Variants in PLD1 observed in about 807,000 individuals in gnomAD.
PLD1 encodes the protein phospholipase D1, also known as choline phosphatase 1.
A neutral mutation model predicts 137.1 loss-of-function variants in PLD1; 112 were observed. That is an observed-to-expected ratio of 0.82 (90% CI 0.70 to 0.96). The LOEUF is 0.96. Ranked by LOEUF, PLD1 falls within the 40% of genes least tolerant of loss-of-function variation. PLD1 has a pLI of 0.00. For synonymous variants in PLD1, 431 were observed against 454.7 expected (o/e 0.95, Z 0.66); for missense variants, 1,321 against 1,342.0 (o/e 0.98, Z 0.24).
intron 1 of PLD1, among the ~76,000 whole-genome samples, chr3:171,743,610 G>A (rs1255174564): frequency 2.0e-5 from 3 of 152,106 alleles, no homozygotes; most frequent in Admixed American, 6.5e-5. Context: ...CTCCCTTTGA[G>A]GTCCGGCATC....
chr3:171,792,801 C>A, intron 1 of PLD1: 1 of 438,124 alleles, frequency 2.3e-6, no homozygotes, highest in Admixed American at 2.5e-5. Context: ...AAAAACAAGT[C>A]CTGGCATGTG....
At chr3:171,658,765 T>C (rs1022617743) in intron 21 of PLD1, among the ~76,000 whole-genome samples, 1 of 152,180 alleles carries the variant, frequency 6.6e-6, no homozygotes, top group Non-Finnish European at 1.5e-5. Context: ...CTGAATTGTA[T>C]AGTTTAAGTG....
At chr3:171,702,487 CAA>C (rs1404381195) in intron 11 of PLD1, among the ~76,000 whole-genome samples, 4 of 126,468 alleles carry the variant, frequency 3.2e-5, no homozygotes, top group Admixed American at 1.6e-4. Context: ...GACCCTGTCT[CAA>C]AAAAAAAAAA....
intron 1 of PLD1, among the ~76,000 whole-genome samples, chr3:171,763,057 A>C (rs1721516741): frequency 6.6e-6 from 1 of 151,988 alleles, no homozygotes; most frequent in Non-Finnish European, 1.5e-5. Context: ...GAGATGGTGA[A>C]CTCACTCTCA....
At chr3:171,790,790 G>C (rs1367980122) in intron 1 of PLD1, among the ~76,000 whole-genome samples, 3 of 152,214 alleles carry the variant, frequency 2.0e-5, no homozygotes, top group Non-Finnish European at 4.4e-5. Context: ...ATGACTTCTA[G>C]AGCCGTCATG....
In PLD1 at chr3:171,737,966, T is replaced by TC; in HGVS notation, c.85dup (p.Asp29GlyfsTer8). Reference sequence around the variant, plus strand: ...TCCCTCAAAGTGGAGTTCCCGCGTGTCCAGATTTTCTATGATATTACTCAT... The same window carrying TC: ...TCCCTCAAAGTGGAGTTCCCGCGTGTCCCAGATTTTCTATGATATTACTCAT... On this transcript the variant is annotated frameshift_variant, in exon 2 of 27. Transcript: ENST00000351298. LOFTEE classifies it high-confidence loss of function. 6.2e-7 allele frequency: 1 copy of TC among 1,614,056 alleles called. No individual in the cohort carries two copies. Among genetic ancestry groups the TC allele is most frequent in the Non-Finnish European group, 8.5e-7 (1 of 1,179,936 alleles).
intron 3 of PLD1, 138 bp from the exon 4 acceptor site, chr3:171,735,775 A>G: frequency 3.3e-6 from 2 of 600,596 alleles, no homozygotes; most frequent in South Asian, 4.3e-5. Context: ...ACTTAAGTAA[A>G]TTTGTTTCAA....
intron 1 of PLD1, among the ~76,000 whole-genome samples, chr3:171,763,704 G>A (rs1392914066): frequency 1.3e-5 from 2 of 151,894 alleles, no homozygotes; most frequent in South Asian, 2.1e-4. Flanking sequence ...TTTTATTCTT[G>A]GGTGTATGTA....
intron 19 of PLD1, among the ~76,000 whole-genome samples, chr3:171,670,185 A>ATAGT (rs5854442): frequency 0.99 from 151,449 of 152,276 alleles, 75,316 homozygotes; most frequent in South Asian, 1. Flanking sequence ...GGGTACAAAC[A>ATAGT]TAGAAGGAAT....
intron 21 of PLD1, chr3:171,653,890 G>A (rs731043): frequency 0.3 from 55,121 of 185,632 alleles, 9,840 homozygotes; most frequent in African/African-American, 0.5. Context: ...ACAAACTGAC[G>A]TACTCAGAAG....
At chr3:171,761,671 T>A (rs1413918770) in intron 1 of PLD1, among the ~76,000 whole-genome samples, 1 of 152,236 alleles carries the variant, frequency 6.6e-6, no homozygotes, top group Non-Finnish European at 1.5e-5. Flanking sequence ...TTAAGTCTAG[T>A]GCTCAGAGTA....
At chr3:171,662,312 G>A (rs1711579739) in intron 19 of PLD1, 142 bp from the exon 20 acceptor site, 1 of 566,790 alleles carries the variant, frequency 1.8e-6, no homozygotes, top group African/African-American at 1.9e-5. Context: ...CCAAAGGAGA[G>A]TAGTGGGGTG....
chr3:171,724,491 T>G (rs906885021), intron 8 of PLD1, among the ~76,000 whole-genome samples: 6 of 152,242 alleles, frequency 3.9e-5, no homozygotes, highest in African/African-American at 1.4e-4. Context: ...TGGGTTTTCA[T>G]GAATATAATC....
chr3:171,802,451 C>G (rs1000306859), intron 1 of PLD1, among the ~76,000 whole-genome samples: 1 of 151,966 alleles, frequency 6.6e-6, no homozygotes, highest in Non-Finnish European at 1.5e-5. Flanking sequence ...TGTCATTGAT[C>G]CAAATGACAA....
At chr3:171,678,927 C>CT (rs1361135042) in intron 16 of PLD1, among the ~76,000 whole-genome samples, 3 of 152,176 alleles carry the variant, frequency 2.0e-5, no homozygotes, top group Non-Finnish European at 2.9e-5. Flanking sequence ...TGAAATGCTC[C>CT]TTTCTCCCTC....
At chr3:171,700,034 T>G (rs548269650) in intron 11 of PLD1, among the ~76,000 whole-genome samples, 2 of 148,714 alleles carry the variant, frequency 1.3e-5, no homozygotes, top group South Asian at 2.1e-4. Flanking sequence ...TCTTAGTTCT[T>G]TCTCTCTCTC....
intron 1 of PLD1, among the ~76,000 whole-genome samples, chr3:171,755,980 C>T (rs1721000743): frequency 6.6e-6 from 1 of 152,308 alleles, no homozygotes; most frequent in South Asian, 2.1e-4. Flanking sequence ...GCTGCATAAA[C>T]CAGAATCCTG....
intron 21 of PLD1, among the ~76,000 whole-genome samples, chr3:171,650,746 G>A (rs553789691): frequency 6.6e-6 from 1 of 152,100 alleles, no homozygotes; most frequent in South Asian, 2.1e-4. Flanking sequence ...TAGTGTGTGT[G>A]TATTAGCCAG....
intron 19 of PLD1, among the ~76,000 whole-genome samples, chr3:171,667,632 T>C (rs543231162): frequency 6.6e-6 from 1 of 152,300 alleles, no homozygotes; most frequent in East Asian, 1.9e-4. Flanking sequence ...AAACAGGACA[T>C]GAAACTTTGC....
Sources: gnomAD v4.1 joint callset for allele counts (sites outside exome capture counted in the v4.1 genomes callset) on GRCh38, gnomAD v4.1.1 for gene constraint, MANE v1.5 for transcripts, NCBI Gene and HGNC (gene_info 2026-07-23, HGNC 2026-07-21) for gene names.